The following LAMA1 variants were observed in gnomAD, a reference collection of about 807,000 sequenced individuals.
LAMA1 encodes laminin subunit alpha 1.
A neutral mutation model predicts 348.7 loss-of-function variants in LAMA1; 219 were observed. That is an observed-to-expected ratio of 0.63 (90% CI 0.56 to 0.70). The LOEUF (loss-of-function observed/expected upper bound fraction) is 0.70. Among genes scored for constraint, LAMA1 ranks in the 30% least tolerant of loss-of-function variants. The probability of loss-of-function intolerance (pLI) is 0.00; values close to 1 mark genes in which losing one functional copy is unlikely to be tolerated. For synonymous variants in LAMA1, 1,487 were observed against 1,491.0 expected (o/e 1.00, Z 0.06); for missense variants, 3,744 against 3,888.0 (o/e 0.96, Z 0.99).
At chr18:6,981,902 C>T (rs2057713421) in intron 41 of LAMA1, among the ~76,000 whole-genome samples, 1 of 152,180 alleles carries the variant, frequency 6.6e-6, no homozygotes, top group Non-Finnish European at 1.5e-5. Flanking sequence ...GTTTCTCTTA[C>T]ATAACAGATT....
At chr18:6,942,575 A>G (rs887989562) in intron 62 of LAMA1, among the ~76,000 whole-genome samples, 1 of 151,888 alleles carries the variant, frequency 6.6e-6, no homozygotes, top group Non-Finnish European at 1.5e-5. Context: ...CACCACGTCC[A>G]GCTTATTTTT....
intron 21 of LAMA1, 138 bp from the exon 22 acceptor site, chr18:7,015,996 C>T: frequency 2.0e-6 from 2 of 1,010,268 alleles, no homozygotes; most frequent in Admixed American, 2.0e-5. Flanking sequence ...ATTCCCAAGA[C>T]CCCTCCATGT....
intron 1 of LAMA1, among the ~76,000 whole-genome samples, chr18:7,110,437 G>T (rs538558921): frequency 6.6e-6 from 1 of 152,300 alleles, no homozygotes; most frequent in Non-Finnish European, 1.5e-5. Context: ...TCTGGAGAAA[G>T]AACGAATTCC....
In LAMA1 at chr18:6,976,007, T is replaced by C; in HGVS notation, c.6419A>G (p.Asn2140Ser). The stretch of plus-strand genomic sequence containing the variant: ...TGTCTTAACATTTAGTGTTAAGGTA[T>C]TGTAGTTGGTAGAGGAAATCTGAGG... ...YQPQISSTNY[N>S]TLTLNVKTQE... Residue 2140 changes from asparagine to serine, a missense_variant, in exon 45 of 63, where the codon AAT becomes AGT. Coordinates refer to ENST00000389658, the MANE Select transcript of LAMA1 (RefSeq NM_005559.4). 6.2e-7 allele frequency: 1 copy of C among 1,614,150 alleles called. No homozygotes were observed. The highest frequency in any genetic ancestry group is 8.5e-7 in the Non-Finnish European group (1 of 1,179,968).
chr18:6,974,087 A>G (rs2057670625), intron 46 of LAMA1, among the ~76,000 whole-genome samples: 1 of 152,146 alleles, frequency 6.6e-6, no homozygotes, highest in African/African-American at 2.4e-5. Context: ...CTGGTCTCCA[A>G]AGGTAACCTA....
chr18:7,007,335 G>A lies in LAMA1; in HGVS notation c.4123-59C>T, dbSNP rs2057837062. ...TGATTAATGAGTGAGTGAAGGACTT[G>A]AATAGACACTTCTCCAAAGGAGACA... On this transcript the variant is annotated intron_variant, in intron 28 of 62. Transcript: ENST00000389658. 2.6e-6 allele frequency: 4 copies of A among 1,531,650 alleles called. No homozygotes were observed. The Admixed American group carries it at 5.6e-5, about 21-fold the overall frequency. 94.9% of individuals were successfully genotyped at this position (1,531,650 alleles called of 1,614,324 possible).
chr18:6,974,073 A>G (rs2144033404), intron 46 of LAMA1, among the ~76,000 whole-genome samples: 1 of 152,118 alleles, frequency 6.6e-6, no homozygotes, highest in East Asian at 1.9e-4. Context: ...GTGAGCCACC[A>G]TGCCTGGTCT....
intron 1 of LAMA1, among the ~76,000 whole-genome samples, chr18:7,113,721 A>G (rs568645390): frequency 6.6e-6 from 1 of 152,234 alleles, no homozygotes; most frequent in South Asian, 2.1e-4. Context: ...CTATTTCCTG[A>G]GAAAAACAAA....
At chr18:7,083,031 G>C (rs1361783018) in intron 1 of LAMA1, among the ~76,000 whole-genome samples, 1 of 152,056 alleles carries the variant, frequency 6.6e-6, no homozygotes, top group Non-Finnish European at 1.5e-5. Context: ...GTGTATGCTG[G>C]AGTCTTTGCC....
rs749266333 is a variant in LAMA1 at position 6,997,812 on chromosome 18, T to C, written c.4736A>G (p.Asn1579Ser). 2 of 1,613,912 alleles carry C rather than the reference T, an allele frequency of 1.2e-6. No individual in the cohort carries two copies. Among genetic ancestry groups the C allele is most frequent in the East Asian group, 4.5e-5 (2 of 44,882 alleles). ...TGGGACAGGGATAATGCCAGTGAGG[T>C]TCAGAGAAAGAACGGCATCACCAAT... ...DEIGDAVLSL[N>S]LTGIIPVPYG... Residue 1579 changes from asparagine (N) to serine (S), a missense_variant, in exon 33 of 63, where the codon AAC (asparagine) becomes AGC (serine). Physicochemically the swap from Asn to Ser is conservative, Grantham distance 46. Coordinates refer to ENST00000389658, the MANE Select transcript of LAMA1 (RefSeq NM_005559.4).
At position 6,989,809 on chromosome 18, in the gene LAMA1, C is replaced by T. The variant is rs147476265; in HGVS notation, c.5168+2752G>A. Among the ~76,000 whole-genome samples the T allele has an allele frequency of 4.8e-3, 734 of 152,272 alleles. 1 individual carries two copies. The highest frequency in any genetic ancestry group is 0.01 in the Middle Eastern group (3 of 294). On this transcript the variant is annotated intron_variant, in intron 36 of 62. Transcript: ENST00000389658. ...GAGGCAGTGCCCCAGGGCTGGGCTC[C>T]ACTCCCTAACCTTCCTCAGCCCCCC...
chr18:6,999,714 G>T, intron 31 of LAMA1, 76 bp from the exon 32 acceptor site: 3 of 1,328,726 alleles, frequency 2.3e-6, no homozygotes, highest in Non-Finnish European at 3.2e-6. Context: ...AATCATTTCC[G>T]CCAAATGAAA....
intron 3 of LAMA1, among the ~76,000 whole-genome samples, chr18:7,057,941 C>T (rs2058088877): frequency 6.6e-6 from 1 of 151,698 alleles, no homozygotes; most frequent in Non-Finnish European, 1.5e-5. Context: ...ATTATAGGCA[C>T]TTGCCACCAC....
intron 1 of LAMA1, among the ~76,000 whole-genome samples, chr18:7,088,653 G>A (rs2080630816): frequency 6.6e-6 from 1 of 151,932 alleles, no homozygotes; most frequent in African/African-American, 2.4e-5. Context: ...GAGTACCTGG[G>A]GCTAGGGTGC....
intron 5 of LAMA1, among the ~76,000 whole-genome samples, chr18:7,046,900 T>C (rs542181756): frequency 8.8e-4 from 134 of 152,358 alleles, no homozygotes; most frequent in African/African-American, 3.1e-3. Flanking sequence ...AAAAATGTGA[T>C]TCATTTTTGT....
intron 1 of LAMA1, among the ~76,000 whole-genome samples, chr18:7,084,974 G>C (rs1428712012): frequency 6.6e-6 from 1 of 152,082 alleles, no homozygotes; most frequent in African/African-American, 2.4e-5. Context: ...CAGAAGCCAA[G>C]CATTCAAAGT....
chr18:7,080,764 T>C (rs1368974297), intron 1 of LAMA1, among the ~76,000 whole-genome samples: 4 of 152,132 alleles, frequency 2.6e-5, no homozygotes, highest in Non-Finnish European at 5.9e-5. Flanking sequence ...CACAGGCAGA[T>C]GCAATTGTGA....
chr18:7,098,396 G>A (rs1024068356), intron 1 of LAMA1, among the ~76,000 whole-genome samples: 2 of 151,544 alleles, frequency 1.3e-5, no homozygotes. Context: ...TCCCACCTAG[G>A]AAGTGAGGAG....
intron 3 of LAMA1, among the ~76,000 whole-genome samples, chr18:7,062,783 G>C (rs11877593): frequency 0.44 from 67,508 of 151,930 alleles, 15,547 homozygotes; most frequent in African/African-American, 0.56. Context: ...ACACTTCCCC[G>C]CTCTTGCCTC....
Sources: allele counts gnomAD v4.1 joint callset (sites outside exome capture counted in the v4.1 genomes callset), GRCh38; gene constraint gnomAD v4.1.1; transcripts MANE v1.5; gene names NCBI Gene and HGNC (gene_info 2026-07-23, HGNC 2026-07-21).